PCDH9: variants seen among roughly 807,000 people sequenced by gnomAD.
The protein encoded by PCDH9 is protocadherin 9, also known as protocadherin-9.
In PCDH9, 24 loss-of-function variants were observed where a neutral mutation model predicts 70.6. The ratio of observed to expected loss-of-function variants is 0.34; its 90% CI spans 0.25 to 0.48. The LOEUF (loss-of-function observed/expected upper bound fraction) is 0.48. Ranked by LOEUF, PCDH9 falls within the 20% of genes least tolerant of loss-of-function variation. PCDH9 has a pLI of 0.99. For synonymous variants in PCDH9, 562 were observed against 558.5 expected, an observed-to-expected ratio of 1.01 and a Z score of -0.09; for missense variants, 1,281 against 1,503.6, an observed-to-expected ratio of 0.85 and a Z score of 2.45.
chr13:66,573,337 A>T (rs1436035694), intron 4 of PCDH9, among the ~76,000 whole-genome samples: 2 of 142,094 alleles, frequency 1.4e-5, no homozygotes, highest in East Asian at 4.1e-4. Context: ...CCTTTGTTGG[A>T]TAGATAGTCT....
intron 3 of PCDH9, among the ~76,000 whole-genome samples, chr13:66,844,831 G>C (rs755170312): frequency 1.3e-5 from 2 of 152,056 alleles, no homozygotes; most frequent in Non-Finnish European, 2.9e-5. Context: ...ATCTTAGGTA[G>C]CACGTTCATA....
chr13:67,166,743 C>T (rs1283677201), intron 2 of PCDH9, among the ~76,000 whole-genome samples: 4 of 152,034 alleles, frequency 2.6e-5, no homozygotes, highest in East Asian at 3.9e-4. Context: ...CATAGCAAAA[C>T]GTATAATGTT....
intron 2 of PCDH9, among the ~76,000 whole-genome samples, chr13:66,916,202 G>A (rs185362918): frequency 5.9e-5 from 9 of 151,548 alleles, no homozygotes; most frequent in Admixed American, 1.3e-4. Context: ...TCTCAATCCC[G>A]TATTTTAAAT....
intron 3 of PCDH9, among the ~76,000 whole-genome samples, chr13:66,747,188 A>C (rs750954108): frequency 8.5e-5 from 13 of 152,054 alleles, no homozygotes; most frequent in Non-Finnish European, 1.8e-4. Context: ...CATCTCTACT[A>C]AAAATACAAA....
At chr13:66,902,149 G>GTTCTTCT (rs1228748401) in intron 3 of PCDH9, among the ~76,000 whole-genome samples, 1 of 151,450 alleles carries the variant, frequency 6.6e-6, no homozygotes, top group African/African-American at 2.4e-5. Flanking sequence ...GGAAACTATG[G>GTTCTTCT]TTCTTCTCTC....
Position 66,303,226 on chromosome 13 carries a change from C to A in PCDH9, c.*1429G>T, listed in dbSNP as rs921500250. ...CATGCTATTTATTTGTTTAAATCAT[C>A]TGTCATGCCTTAACAAAAACCTCCT... On this transcript the variant is annotated 3_prime_UTR_variant, in exon 5 of 5. Coordinates refer to ENST00000377865, the MANE Select transcript of PCDH9 (RefSeq NM_203487.3). The A allele has an allele frequency of 1.1e-4, 17 of 151,932 alleles. No individual in the cohort carries two copies. The highest frequency in any genetic ancestry group is 4.1e-4 in the African/African-American group (17 of 41,222). 9.4% of individuals were successfully genotyped at this position (151,932 alleles called of 1,614,324 possible). A position where few individuals can be genotyped will look rare whatever the true frequency, so the allele number is the denominator to read the frequency against.
intron 4 of PCDH9, among the ~76,000 whole-genome samples, chr13:66,498,135 T>A (rs1959146547): frequency 6.6e-6 from 1 of 150,632 alleles, no homozygotes; most frequent in Non-Finnish European, 1.5e-5. Flanking sequence ...TCTTACTAAT[T>A]TTATTTATTA....
chr13:67,141,804 T>G (rs2087398490), intron 2 of PCDH9, among the ~76,000 whole-genome samples: 1 of 151,978 alleles, frequency 6.6e-6, no homozygotes, highest in Admixed American at 6.6e-5. Context: ...AGTATTGTAT[T>G]ATACAGGGTA....
At chr13:66,612,718 C>T (rs772161023) in intron 4 of PCDH9, among the ~76,000 whole-genome samples, 4 of 152,060 alleles carry the variant, frequency 2.6e-5, no homozygotes, top group African/African-American at 7.2e-5. Flanking sequence ...AGGTTTACAG[C>T]GGGCAGGAGC....
At chr13:66,647,467 T>C (rs546274703) in intron 3 of PCDH9, among the ~76,000 whole-genome samples, 1 of 152,186 alleles carries the variant, frequency 6.6e-6, no homozygotes, top group African/African-American at 2.4e-5. Flanking sequence ...ACTGCTGTCT[T>C]GAAGGGAAGG....
At chr13:67,066,804 A>G (rs2085657529) in intron 2 of PCDH9, among the ~76,000 whole-genome samples, 1 of 152,164 alleles carries the variant, frequency 6.6e-6, no homozygotes, top group African/African-American at 2.4e-5. Flanking sequence ...CAAACATCTA[A>G]TAATTTTTCC....
chr13:66,568,992 G>GTTTTTTT (rs1263205330), intron 4 of PCDH9, among the ~76,000 whole-genome samples: 7 of 80,714 alleles, frequency 8.7e-5, no homozygotes, highest in African/African-American at 3.2e-4. Flanking sequence ...TTGGAAACAT[G>GTTTTTTT]TCTTTTTTTT....
intron 2 of PCDH9, among the ~76,000 whole-genome samples, chr13:67,189,293 A>G (rs2088846845): frequency 6.6e-6 from 1 of 151,922 alleles, no homozygotes; most frequent in Admixed American, 6.6e-5. Context: ...TCTTAATTTA[A>G]AAAGCATACT....
intron 2 of PCDH9, chr13:67,224,799 A>C: frequency 1.1e-6 from 1 of 875,140 alleles, no homozygotes; most frequent in Non-Finnish European, 1.4e-6. Context: ...TTAAGTACCG[A>C]ATTTAATATA....
chr13:67,170,734 A>T (rs2088259318), intron 2 of PCDH9, among the ~76,000 whole-genome samples: 1 of 152,022 alleles, frequency 6.6e-6, no homozygotes, highest in Admixed American at 6.6e-5. Context: ...AGACCAGCCT[A>T]GGCAACATGG....
chr13:66,548,488 C>G (rs1420720848), intron 4 of PCDH9, among the ~76,000 whole-genome samples: 2 of 151,916 alleles, frequency 1.3e-5, no homozygotes, highest in Admixed American at 6.6e-5. Context: ...TCGCTTGAAC[C>G]CAGGAGGTGG....
intron 4 of PCDH9, among the ~76,000 whole-genome samples, chr13:66,398,845 T>C (rs917597754): frequency 2.6e-4 from 39 of 152,168 alleles, no homozygotes; most frequent in African/African-American, 8.9e-4. Context: ...ATAAATAGCA[T>C]GCACCCAGAC....
rs1244000473 is a variant in PCDH9 at position 67,226,044 on chromosome 13, G to A, written c.2397C>T (p.Asn799=). 2 of 1,614,048 alleles carry A rather than the reference G, an allele frequency of 1.2e-6. No individual in the cohort carries two copies. The highest frequency in any genetic ancestry group is 1.3e-5 in the African/African-American group (1 of 75,016). ...GATAGGGTTGGCTACTATCCCCTAT[G>A]TTCCTGTCCAACGGGGTCTCCATAG... The part of the protein sequence containing the change: ...RRTMETPLDR[N]IGDSSQPYQN... Residue 799 remains asparagine, a synonymous_variant, in exon 2 of 5, where the codon AAC becomes AAT. Transcript: ENST00000377865. This position sits in a 1 kb window ranked among gnomAD's most constrained non-coding sequence, Gnocchi z 5.0.
intron 2 of PCDH9, among the ~76,000 whole-genome samples, chr13:67,199,780 C>A (rs758826911): frequency 6.6e-6 from 1 of 152,008 alleles, no homozygotes; most frequent in Non-Finnish European, 1.5e-5. Context: ...TTGCTCAGTT[C>A]TTGTTTATCT....
Sources: gnomAD v4.1 joint callset for allele counts (sites outside exome capture counted in the v4.1 genomes callset) on GRCh38, gnomAD v4.1.1 for gene constraint, Gnocchi (gnomAD v3.1) non-coding constraint, MANE v1.5 for transcripts, NCBI Gene and HGNC (gene_info 2026-07-23, HGNC 2026-07-21) for gene names.